Variants in VWC2L observed in about 807,000 individuals in gnomAD.
The protein encoded by VWC2L is von Willebrand factor C domain containing 2 like.
A neutral mutation model predicts 21.6 loss-of-function variants in VWC2L; 10 were observed. That is an observed-to-expected ratio of 0.46 (90% confidence interval 0.29 to 0.78). The LOEUF (loss-of-function observed/expected upper bound fraction) is 0.78, where lower values mean the gene tolerates loss of function less well. Among genes scored for constraint, VWC2L ranks in the 30% least tolerant of loss-of-function variants. The probability of loss-of-function intolerance (pLI) is 0.10; values close to 1 mark genes in which losing one functional copy is unlikely to be tolerated. For synonymous variants in VWC2L, 96 were observed against 94.3 expected, an observed-to-expected ratio of 1.02 and a Z score of -0.10; for missense variants, 209 against 277.1, an observed-to-expected ratio of 0.75 and a Z score of 1.74.
chr2:214,491,113 T>A (rs191623403), intron 3 of VWC2L, among the ~76,000 whole-genome samples: 1 of 152,218 alleles, frequency 6.6e-6, no homozygotes, highest in Non-Finnish European at 1.5e-5. Flanking sequence ...GAAGGTTGCA[T>A]AAGTTTGTGA....
chr2:214,501,432 A>G (rs1361312157), intron 3 of VWC2L, among the ~76,000 whole-genome samples: 1 of 152,094 alleles, frequency 6.6e-6, no homozygotes, highest in Non-Finnish European at 1.5e-5. Context: ...TGCTTTAACC[A>G]AAAGAATAGG....
At chr2:214,520,588 A>AT (rs1689221879) in intron 3 of VWC2L, among the ~76,000 whole-genome samples, 1 of 152,144 alleles carries the variant, frequency 6.6e-6, no homozygotes, top group Non-Finnish European at 1.5e-5. Flanking sequence ...TATTTCCCAA[A>AT]TTGCTTTCCA....
At chr2:214,451,874 C>A (rs753456094) in intron 3 of VWC2L, among the ~76,000 whole-genome samples, 1 of 152,016 alleles carries the variant, frequency 6.6e-6, no homozygotes, top group Admixed American at 6.6e-5. Context: ...ATAATTCTAT[C>A]GAGATATAAT....
chr2:214,470,545 T>C (rs923029884), intron 3 of VWC2L, among the ~76,000 whole-genome samples: 2 of 152,046 alleles, frequency 1.3e-5, no homozygotes, highest in African/African-American at 2.4e-5. Context: ...AGTAAAAATG[T>C]GTGGTTAGAA....
At position 214,414,214 on chromosome 2, in the gene VWC2L, A is replaced by C. The variant is rs556831826; in HGVS notation, c.21A>C (p.Glu7Asp). 7 of 1,612,586 alleles carry C rather than the reference A, an allele frequency of 4.3e-6. No individual in the cohort carries two copies. The highest frequency in any genetic ancestry group is 3.4e-5 in the Admixed American group (2 of 59,700). Residue 7 changes from glutamate to aspartate, a missense_variant, in exon 2 of 4, where the codon GAA becomes GAC. Coordinates refer to ENST00000312504, the MANE Select transcript of VWC2L (RefSeq NM_001080500.4). MALHIH[E>D]ACILLLVIPG... ...GGGGGATGGCTCTTCATATTCATGA[A>C]GCTTGCATACTTCTGTTGGTCATCC...
chr2:214,540,387 C>G (rs1273872270), intron 3 of VWC2L, among the ~76,000 whole-genome samples: 1 of 152,136 alleles, frequency 6.6e-6, no homozygotes, highest in African/African-American at 2.4e-5. Flanking sequence ...CTGCAGATAG[C>G]AAATTCCGAA....
chr2:214,567,292 G>A (rs1400533682), intron 3 of VWC2L, among the ~76,000 whole-genome samples: 1 of 152,046 alleles, frequency 6.6e-6, no homozygotes, highest in Non-Finnish European at 1.5e-5. Flanking sequence ...GCTTTAAAAA[G>A]GATCTGGGTC....
At position 214,576,547 on chromosome 2, in the gene VWC2L, A is replaced by T. The variant is rs1265672270; in HGVS notation, c.*727A>T. 1 of 152,222 alleles carries T rather than the reference A, an allele frequency of 6.6e-6. No homozygotes were observed. Among genetic ancestry groups the T allele is most frequent in the Non-Finnish European group, 1.5e-5 (1 of 68,040 alleles). The allele number at this position is 152,222 out of a possible 1,614,324, so 9.4% of individuals were successfully genotyped here. A position where few individuals can be genotyped will look rare whatever the true frequency, so the allele number is the denominator to read the frequency against. On this transcript the variant is annotated 3_prime_UTR_variant, in exon 4 of 4. Coordinates refer to ENST00000312504, the MANE Select transcript of VWC2L (RefSeq NM_001080500.4). The stretch of plus-strand genomic sequence containing the variant: ...AACTGCCAATCAAAATCTATTACGT[A>T]AAGAACACCATAAGCTCAACTAAAG...
Position 214,568,296 on chromosome 2 carries a change from T to G in VWC2L, c.521-7376T>G, listed in dbSNP as rs532564730. Among the ~76,000 whole-genome samples, 3 of 152,232 alleles carry G rather than the reference T, an allele frequency of 2.0e-5. No individual in the cohort carries two copies. In the South Asian group the frequency reaches 6.2e-4, roughly 31 times the overall value. On this transcript the variant is annotated intron_variant, in intron 3 of 3. Transcript: ENST00000312504. ...AAATGGTCCTGTTAATTTGTTTTTG[T>G]GCATTTTGCCTGATTTACCCCATTT...
intron 3 of VWC2L, among the ~76,000 whole-genome samples, chr2:214,562,221 C>T (rs1250310022): frequency 6.6e-6 from 1 of 152,100 alleles, no homozygotes; most frequent in East Asian, 1.9e-4. Context: ...TCAGCTCCCA[C>T]TTATAAGTGA....
intron 3 of VWC2L, among the ~76,000 whole-genome samples, chr2:214,530,791 C>T (rs1456110051): frequency 6.6e-6 from 1 of 152,160 alleles, no homozygotes; most frequent in Non-Finnish European, 1.5e-5. Flanking sequence ...AATTTATGCC[C>T]ACTCATAAGC....
intron 3 of VWC2L, among the ~76,000 whole-genome samples, chr2:214,445,093 A>G (rs889023578): frequency 2.0e-5 from 3 of 151,908 alleles, no homozygotes; most frequent in African/African-American, 7.2e-5. Context: ...AAAATAAACA[A>G]ATATAAATAA....
chr2:214,415,731 T>C (rs1702344923), intron 2 of VWC2L, among the ~76,000 whole-genome samples: 1 of 152,142 alleles, frequency 6.6e-6, no homozygotes, highest in South Asian at 2.1e-4. Context: ...TTCAAGCCAG[T>C]TCTGATTTAC....
intron 3 of VWC2L, among the ~76,000 whole-genome samples, chr2:214,487,424 G>A (rs1265272433): frequency 6.6e-6 from 1 of 152,092 alleles, no homozygotes; most frequent in South Asian, 2.1e-4. Context: ...CTTTTAAGAG[G>A]TTTTCAAGCC....
intron 2 of VWC2L, among the ~76,000 whole-genome samples, chr2:214,431,493 C>A (rs1408773624): frequency 6.6e-6 from 1 of 152,112 alleles, no homozygotes; most frequent in Non-Finnish European, 1.5e-5. Context: ...CAGAAGGAAA[C>A]CCATTTATAG....
At chr2:214,446,910 G>T (rs1702846594) in intron 3 of VWC2L, among the ~76,000 whole-genome samples, 1 of 152,084 alleles carries the variant, frequency 6.6e-6, no homozygotes, top group South Asian at 2.1e-4. Flanking sequence ...GAGATAATCG[G>T]ACTCAAAAAC....
intron 3 of VWC2L, among the ~76,000 whole-genome samples, chr2:214,505,477 T>G (rs1688955056): frequency 6.6e-6 from 1 of 152,102 alleles, no homozygotes; most frequent in Admixed American, 6.6e-5. Context: ...ACTCCAAGCC[T>G]TGTTTTTTTC....
intron 3 of VWC2L, among the ~76,000 whole-genome samples, chr2:214,556,163 G>C (rs1385883302): frequency 2.0e-5 from 3 of 152,206 alleles, no homozygotes; most frequent in South Asian, 2.1e-4. Flanking sequence ...AGGGGGCTGA[G>C]GCAGGAGAAT....
At chr2:214,520,375 T>A (rs527376777) in intron 3 of VWC2L, among the ~76,000 whole-genome samples, 17 of 152,328 alleles carry the variant, frequency 1.1e-4, no homozygotes, top group African/African-American at 3.4e-4. Context: ...TATTCCATTT[T>A]TTTTTAATGT....
Sources: allele counts gnomAD v4.1 joint callset (sites outside exome capture counted in the v4.1 genomes callset), GRCh38; gene constraint gnomAD v4.1.1; transcripts MANE v1.5; gene names NCBI Gene and HGNC (gene_info 2026-07-23, HGNC 2026-07-21).